Variants in ZC3H12B observed in about 807,000 individuals in gnomAD.
ZC3H12B encodes zinc finger CCCH-type containing 12B.
Under a neutral mutation model 43.9 loss-of-function variants are expected in ZC3H12B, and 7 were observed. That is an observed-to-expected ratio of 0.16 (90% CI 0.09 to 0.30). The LOEUF (loss-of-function observed/expected upper bound fraction) is 0.30. Ranked by LOEUF, ZC3H12B falls within the 10% of genes least tolerant of loss-of-function variation. ZC3H12B has a pLI of 1.00. For synonymous variants in ZC3H12B, 222 were observed against 241.7 expected, an observed-to-expected ratio of 0.92 and a Z score of 0.76; for missense variants, 475 against 670.2, an observed-to-expected ratio of 0.71 and a Z score of 3.22.
At chrX:65,229,883 C>T in the ZC3H12B span, among the ~76,000 whole-genome samples, 1 of 110,407 alleles carries the variant, frequency 9.1e-6, no homozygotes, top group African/African-American at 3.3e-5. Flanking sequence ...AGTCAGGAAA[C>T]AACAGGTGCT....
In ZC3H12B at chrX:65,382,577, A is replaced by C. The variant is rs1191947020; in HGVS notation, n.295+13579A>C. ...ATACCCTCTCTCACCACTCCTATTC[A>C]GCATAGTATTGGAAGTTCTGGCTAG... On this transcript the variant is annotated intron_variant and non_coding_transcript_variant, in intron 2 of 5. Transcript: ENST00000617377. 2.7e-5 allele frequency among the ~76,000 whole-genome samples: 3 copies of C among 111,660 alleles called. No homozygotes were observed. The Admixed American group carries it at 2.9e-4, about 11-fold the overall frequency.
the ZC3H12B span, among the ~76,000 whole-genome samples, chrX:65,098,828 G>C: frequency 9.0e-6 from 1 of 110,640 alleles, no homozygotes; most frequent in African/African-American, 3.3e-5. Context: ...CACAGAGCTA[G>C]CTGCAGTTTT....
At chrX:65,458,585 T>G (rs762668196) in intron 3 of ZC3H12B, among the ~76,000 whole-genome samples, 2 of 112,109 alleles carry the variant, frequency 1.8e-5, no homozygotes, top group South Asian at 7.4e-4. Flanking sequence ...ATGTGGAAAC[T>G]GAACAACCTG....
At chrX:65,323,283 A>T in the ZC3H12B span, among the ~76,000 whole-genome samples, 35 of 111,880 alleles carry the variant, frequency 3.1e-4, no homozygotes, top group African/African-American at 1.1e-3. Context: ...TTGCCTTATC[A>T]TATACAGTTA....
chrX:65,225,865 T>A, the ZC3H12B span, among the ~76,000 whole-genome samples: 8 of 111,861 alleles, frequency 7.2e-5, no homozygotes, highest in East Asian at 1.7e-3. Context: ...CCAAGAAATA[T>A]GGGACTTTGT....
the ZC3H12B span, among the ~76,000 whole-genome samples, chrX:65,242,643 T>C: frequency 1.8e-5 from 2 of 111,940 alleles, no homozygotes; most frequent in Non-Finnish European, 3.8e-5. Flanking sequence ...GAAATTTATA[T>C]GGAATCACAG....
the ZC3H12B span, among the ~76,000 whole-genome samples, chrX:65,174,818 G>A: frequency 8.9e-6 from 1 of 111,801 alleles, no homozygotes; most frequent in African/African-American, 3.2e-5. Context: ...CTCCATGAAA[G>A]TGGGACCTGC....
the ZC3H12B span, among the ~76,000 whole-genome samples, chrX:65,100,238 A>G: frequency 1.8e-5 from 2 of 110,958 alleles, no homozygotes; most frequent in Admixed American, 1.9e-4. Context: ...GGACTATGTG[A>G]AAAGACCAAA....
At chrX:65,314,612 G>A in the ZC3H12B span, among the ~76,000 whole-genome samples, 32 of 111,830 alleles carry the variant, frequency 2.9e-4, no homozygotes, top group African/African-American at 1.0e-3. Flanking sequence ...AAATCTAAAA[G>A]AATTTGCTTC....
intron 2 of ZC3H12B, among the ~76,000 whole-genome samples, chrX:65,382,958 A>G (rs1300830860): frequency 9.0e-6 from 1 of 111,240 alleles, no homozygotes; most frequent in Non-Finnish European, 1.9e-5. Flanking sequence ...AAAAGAGGAT[A>G]CAAACAAATG....
At chrX:65,270,893 G>T in the ZC3H12B span, 1 of 110,992 alleles carries the variant, frequency 9.0e-6, no homozygotes, top group Non-Finnish European at 1.9e-5. Flanking sequence ...TGGCATCCTG[G>T]AGCGCCATCC....
chrX:65,202,260 C>A, the ZC3H12B span, among the ~76,000 whole-genome samples: 2 of 95,948 alleles, frequency 2.1e-5, no homozygotes, highest in Non-Finnish European at 4.2e-5. Flanking sequence ...CGAATATAGT[C>A]TTTTTATCCC....
chrX:65,389,113 G>A (rs1011521283), intron 2 of ZC3H12B, among the ~76,000 whole-genome samples: 8 of 112,235 alleles, frequency 7.1e-5, no homozygotes, highest in Non-Finnish European at 9.4e-5. Flanking sequence ...CAGTCTGTCC[G>A]TTCTCGGATC....
At chrX:65,503,089 G>C (rs779674812) in exon 5 of ZC3H12B, 1 of 1,209,460 alleles carries the variant, frequency 8.3e-7, no homozygotes, top group South Asian at 1.8e-5. Flanking sequence ...AGACCTACAA[G>C]AACCTCTGCA....
the ZC3H12B span, among the ~76,000 whole-genome samples, chrX:65,170,973 G>A: frequency 9.0e-6 from 1 of 111,634 alleles, no homozygotes; most frequent in Non-Finnish European, 1.9e-5. Flanking sequence ...TTTGTGATGG[G>A]TTAGAACATC....
intron 2 of ZC3H12B, among the ~76,000 whole-genome samples, chrX:65,369,862 C>A (rs1168057725): frequency 8.9e-6 from 1 of 111,734 alleles, no homozygotes; most frequent in Non-Finnish European, 1.9e-5. Flanking sequence ...CTGACTGATT[C>A]TAGACTTGTG....
the ZC3H12B span, among the ~76,000 whole-genome samples, chrX:65,168,964 G>T: frequency 9.1e-6 from 1 of 110,150 alleles, no homozygotes; most frequent in East Asian, 2.8e-4. Flanking sequence ...GGTCTATTTT[G>T]TTGATCTTTT....
chrX:65,404,803 A>G (rs2066803297), intron 3 of ZC3H12B, among the ~76,000 whole-genome samples: 2 of 112,280 alleles, frequency 1.8e-5, no homozygotes, highest in African/African-American at 6.5e-5. Context: ...TCGTCAAGAC[A>G]GAAAATCAAC....
chrX:65,134,217 G>A, the ZC3H12B span, among the ~76,000 whole-genome samples: 1 of 110,536 alleles, frequency 9.0e-6, no homozygotes, highest in African/African-American at 3.3e-5. Context: ...AGCAGCCCTG[G>A]GCTGCAATGT....
Sources: allele counts gnomAD v4.1 joint callset (sites outside exome capture counted in the v4.1 genomes callset), GRCh38; gene constraint gnomAD v4.1.1; transcripts MANE v1.5; gene names NCBI Gene and HGNC (gene_info 2026-07-23, HGNC 2026-07-21).